The following ACOX2 variants were observed in gnomAD, a reference collection of about 807,000 sequenced individuals.
The protein encoded by ACOX2 is peroxisomal acyl-coenzyme A oxidase 2.
Under a neutral mutation model 77.5 loss-of-function variants are expected in ACOX2, and 59 were observed. The observed-to-expected ratio is 0.76, with a 90% confidence interval of 0.62 to 0.95. The LOEUF is 0.95. ACOX2 is among the 40% of genes least tolerant of loss of function. The probability of loss-of-function intolerance (pLI) is 0.00; values close to 1 mark genes in which losing one functional copy is unlikely to be tolerated. For missense variants in ACOX2, 837 were observed against 880.4 expected (o/e 0.95, Z 0.62); for synonymous variants, 317 against 340.1 (o/e 0.93, Z 0.75).
Position 58,505,421 on chromosome 3 carries a change from A to C in ACOX2, c.1984-135T>G. 1 of 707,544 alleles carries C rather than the reference A, an allele frequency of 1.4e-6. No individual in the cohort carries two copies. The highest frequency in any genetic ancestry group is 3.0e-5 in the South Asian group (1 of 33,860). 43.8% of individuals were successfully genotyped at this position (707,544 alleles called of 1,614,324 possible). On this transcript the variant is annotated intron_variant, in intron 14 of 14. Transcript: ENST00000302819. The surrounding 1 kb of genome is among the most constrained non-coding windows in gnomAD (Gnocchi z 4.4). Reference sequence around the variant, plus strand: ...CTTAATTTTAAAAATTATTTCTAAGACTCATTTTGTGTGAACATATGGAGA... The same window carrying C: ...CTTAATTTTAAAAATTATTTCTAAGCCTCATTTTGTGTGAACATATGGAGA...
chr3:58,517,235 T>C lies in ACOX2; in HGVS notation c.1821A>G (p.Thr607=), dbSNP rs776395124. 5.0e-6 allele frequency: 8 copies of C among 1,614,118 alleles called. No homozygotes were observed. The Admixed American group carries it at 1.3e-4, about 27-fold the overall frequency. ...LSGAQVDMAR[T]AYLDLLRLIR... ...TCAGGCGGAGCAGGTCCAGGTAGGCTGTTCTTGCCATGTCCACTTGGGCAC... is the reference window on the plus strand; with the variant it reads ...TCAGGCGGAGCAGGTCCAGGTAGGCCGTTCTTGCCATGTCCACTTGGGCAC... Residue 607 remains threonine, a synonymous_variant, in exon 13 of 15, where the codon ACA becomes ACG. Coordinates refer to ENST00000302819, the MANE Select transcript of ACOX2 (RefSeq NM_003500.4).
In ACOX2 at chr3:58,534,916, A is replaced by G; in HGVS notation, c.160+31T>C. On this transcript the variant is annotated intron_variant, in intron 2 of 14. Coordinates refer to ENST00000302819, the MANE Select transcript of ACOX2 (RefSeq NM_003500.4). The surrounding 1 kb of genome is among the most constrained non-coding windows in gnomAD (Gnocchi z 4.8). ...TTACAAGAGAAGCATGGGGCATAAA[A>G]CAGATGTCCCATTCCCCAGCTTCCC... 6.2e-7 allele frequency: 1 copy of G among 1,613,612 alleles called. No individual in the cohort carries two copies. Among genetic ancestry groups the G allele is most frequent in the Non-Finnish European group, 8.5e-7 (1 of 1,179,550 alleles).
rs2108001826 is a variant in ACOX2 at position 58,524,651 on chromosome 3, A to G, written c.1347-46T>C. ...CAGGTGAGAGGGCAGAGACTCTGTG[A>G]GACAGCCCAGCACCCCTCACTCCCA... On this transcript the variant is annotated intron_variant, in intron 10 of 14. Coordinates refer to ENST00000302819, the MANE Select transcript of ACOX2 (RefSeq NM_003500.4). This position sits in a 1 kb window ranked among gnomAD's most constrained non-coding sequence, Gnocchi z 5.5. 6.3e-7 allele frequency: 1 copy of G among 1,582,314 alleles called. No individual in the cohort carries two copies. Among genetic ancestry groups the G allele is most frequent in the Admixed American group, 1.7e-5 (1 of 59,310 alleles).
Position 58,533,049 on chromosome 3 carries a change from T to C in ACOX2, c.583+396A>G, listed in dbSNP as rs2063452719. On this transcript the variant is annotated intron_variant, in intron 5 of 14. Transcript: ENST00000302819. The surrounding 1 kb of genome is among the most constrained non-coding windows in gnomAD (Gnocchi z 5.6). ...CAGGCGTATTCTTTCCACTGTGTCA[T>C]CACAGGGCCTGTGCTCTGGCTGGTG... Among the ~76,000 whole-genome samples, 1 of 152,136 alleles carries C rather than the reference T, an allele frequency of 6.6e-6. No individual in the cohort carries two copies. The highest frequency in any genetic ancestry group is 2.1e-4 in the South Asian group (1 of 4,826).
Position 58,517,343 on chromosome 3 carries a change from CA to C in ACOX2, c.1712del (p.Val571GlyfsTer15). Reference protein sequence around the residue: ...KLENEPAIQQVLKRLCDLHAI... With the variant: ...KLENEPAIQQXLKRLCDLHAI... ...CATGGAGGTCACAGAGGCGCTTGAG[CA>C]CCTGCTGAATCGCTGGTTCATTTTC... On this transcript the variant is annotated frameshift_variant, in exon 13 of 15. Transcript: ENST00000302819. LOFTEE classifies it high-confidence loss of function. The C allele has an allele frequency of 6.2e-7, 1 of 1,614,196 alleles. No individual in the cohort carries two copies. The highest frequency in any genetic ancestry group is 8.5e-7 in the Non-Finnish European group (1 of 1,180,042).
At position 58,519,346 on chromosome 3, in the gene ACOX2, T is replaced by G. The variant is rs955243871; in HGVS notation, c.1633-1923A>C. On this transcript the variant is annotated intron_variant, in intron 12 of 14. Transcript: ENST00000302819. This position sits in a 1 kb window ranked among gnomAD's most constrained non-coding sequence, Gnocchi z 5.0. The stretch of plus-strand genomic sequence containing the variant: ...TTGCAGTGAGCTGAGACCGTGCCAC[T>G]GCACTCCAGCCTGGGTGGTGGAGTG... Among the ~76,000 whole-genome samples, 4 of 151,952 alleles carry G rather than the reference T, an allele frequency of 2.6e-5. No homozygotes were observed. Among genetic ancestry groups the G allele is most frequent in the African/African-American group, 9.7e-5 (4 of 41,426 alleles).
intron 9 of ACOX2, among the ~76,000 whole-genome samples, chr3:58,527,644 A>G (rs1576997687): frequency 6.6e-6 from 1 of 152,028 alleles, no homozygotes; most frequent in Non-Finnish European, 1.5e-5. Context: ...TAGTGCCTTG[A>G]CCTTGGACTT....
intron 5 of ACOX2, among the ~76,000 whole-genome samples, chr3:58,532,108 C>T (rs558203562): frequency 2.6e-5 from 4 of 152,148 alleles, no homozygotes; most frequent in East Asian, 1.9e-4. Flanking sequence ...ATCTAGGTGG[C>T]GCTAGACCCT....
chr3:58,530,584 G>A lies in ACOX2; in HGVS notation c.874C>T (p.Pro292Ser), dbSNP rs767555165. 1 of 1,614,246 alleles carries A rather than the reference G, an allele frequency of 6.2e-7. No individual in the cohort carries two copies. ...AGCTCCACCCGCACCACCACCATGG[G>A]AAGGTAGTTGCTCTGTGCTGTACCG... ...KLGTAQSNYL[P>S]MVVVRVELLS... is the part of the protein sequence containing the mutation. The change falls in exon 8 of 15, where the codon CCC (proline) becomes TCC (serine). Residue 292 changes from proline to serine, a missense_variant. Pro to Ser is a moderately conservative substitution (Grantham distance 74, BLOSUM62 -1). Coordinates refer to ENST00000302819, the MANE Select transcript of ACOX2 (RefSeq NM_003500.4).
At position 58,512,005 on chromosome 3, in the gene ACOX2, C is replaced by T. The variant is rs1048824393; in HGVS notation, c.1851-2980G>A. ...CATGCACTCCTTGTGATGTTCTTCT[C>T]AAGGCTTTAAATATCAACCATACGC... On this transcript the variant is annotated intron_variant, in intron 13 of 14. Coordinates refer to ENST00000302819, the MANE Select transcript of ACOX2 (RefSeq NM_003500.4). This position sits in a 1 kb window ranked among gnomAD's most constrained non-coding sequence, Gnocchi z 4.8. Among the ~76,000 whole-genome samples, 2 of 152,210 alleles carry T rather than the reference C, an allele frequency of 1.3e-5. No individual in the cohort carries two copies. Among genetic ancestry groups the T allele is most frequent in the African/African-American group, 4.8e-5 (2 of 41,448 alleles).
Position 58,512,448 on chromosome 3 carries a change from C to T in ACOX2, c.1851-3423G>A, listed in dbSNP as rs969663287. Reference sequence around the variant, plus strand: ...GGAGCAAGCCTTTAAAAATACACATCAGATTCTTTTAGGTTGTGTCTATCC... The same window carrying T: ...GGAGCAAGCCTTTAAAAATACACATTAGATTCTTTTAGGTTGTGTCTATCC... On this transcript the variant is annotated intron_variant, in intron 13 of 14. Coordinates refer to ENST00000302819, the MANE Select transcript of ACOX2 (RefSeq NM_003500.4). The surrounding 1 kb of genome is among the most constrained non-coding windows in gnomAD (Gnocchi z 4.8). Among the ~76,000 whole-genome samples the T allele has an allele frequency of 1.3e-5, 2 of 152,192 alleles. No individual in the cohort carries two copies. The highest frequency in any genetic ancestry group is 3.8e-4 in the East Asian group (2 of 5,198).
Position 58,531,168 on chromosome 3 carries a change from A to G in ACOX2, c.819+83T>C. ...GGTTATGTGGCCCAAACTAAGCTCT[A>G]TGGAGGACCCAGGCCCAGCCTGCAC... On this transcript the variant is annotated intron_variant, in intron 7 of 14. Coordinates refer to ENST00000302819, the MANE Select transcript of ACOX2 (RefSeq NM_003500.4). The surrounding 1 kb of genome is among the most constrained non-coding windows in gnomAD (Gnocchi z 5.8). 1 of 1,282,344 alleles carries G rather than the reference A, an allele frequency of 7.8e-7. No homozygotes were observed. Among genetic ancestry groups the G allele is most frequent in the African/African-American group, 1.5e-5 (1 of 67,594 alleles). 79.4% of individuals were successfully genotyped at this position (1,282,344 alleles called of 1,614,324 possible). A position where few individuals can be genotyped will look rare whatever the true frequency, so the allele number is the denominator to read the frequency against.
rs377574777 is a variant in ACOX2 at position 58,524,760 on chromosome 3, G to A, written c.1347-155C>T. 9.8e-5 allele frequency among the ~76,000 whole-genome samples: 15 copies of A among 152,342 alleles called. No homozygotes were observed. In the East Asian group the frequency reaches 2.7e-3, roughly 27 times the overall value. On this transcript the variant is annotated intron_variant, in intron 10 of 14. Coordinates refer to ENST00000302819, the MANE Select transcript of ACOX2 (RefSeq NM_003500.4). The surrounding 1 kb of genome is among the most constrained non-coding windows in gnomAD (Gnocchi z 5.5). ...CCTCTGCCTGGCCTCCCTCCTGAGG[G>A]TTCCCCCTCGGGCCGTCCTGCCTCG...
chr3:58,534,939 C>T lies in ACOX2; in HGVS notation c.160+8G>A, dbSNP rs759050106. On this transcript the variant is annotated splice_region_variant and intron_variant, in intron 2 of 14. Transcript: ENST00000302819. The surrounding 1 kb of genome is among the most constrained non-coding windows in gnomAD (Gnocchi z 4.8). ...AAACAGATGTCCCATTCCCCAGCTT[C>T]CCCTTACCAACTTTCCTGCGGAGTG... The T allele has an allele frequency of 1.9e-6, 3 of 1,614,132 alleles. No homozygotes were observed. The highest frequency in any genetic ancestry group is 2.5e-6 in the Non-Finnish European group (3 of 1,179,938).
chr3:58,534,274 TG>T lies in ACOX2; in HGVS notation c.323+85del. On this transcript the variant is annotated intron_variant, in intron 3 of 14. Transcript: ENST00000302819. The surrounding 1 kb of genome is among the most constrained non-coding windows in gnomAD (Gnocchi z 4.8). ...GTTTCCCAACAAGTCTTCCCTTTGT[TG>T]GGGGAAATGGCTCATGGGGCTAGGG... 1.3e-6 allele frequency: 2 copies of T among 1,581,076 alleles called. No homozygotes were observed. Among genetic ancestry groups the T allele is most frequent in the Non-Finnish European group, 1.7e-6 (2 of 1,165,144 alleles).
rs1262374606 is a variant in ACOX2, at chr3:58,505,289, G to A, written c.1984-3C>T. The A allele has an allele frequency of 6.2e-7, 1 of 1,611,256 alleles. No individual in the cohort carries two copies. The highest frequency in any genetic ancestry group is 1.7e-5 in the Admixed American group (1 of 59,656). On this transcript the variant is annotated splice_polypyrimidine_tract_variant and splice_region_variant and intron_variant, in intron 14 of 14. Transcript: ENST00000302819. The surrounding 1 kb of genome is among the most constrained non-coding windows in gnomAD (Gnocchi z 4.4). ...TATTCCTCATAGGCAGGGTTCTCCT[G>A]TTTGTAGAAAGAAACGCATTATTAA...
At chr3:58,507,441 A>C (rs1309448729) in intron 14 of ACOX2, among the ~76,000 whole-genome samples, 1 of 152,234 alleles carries the variant, frequency 6.6e-6, no homozygotes, top group Non-Finnish European at 1.5e-5. Flanking sequence ...TTTTAAAATA[A>C]ATATTAAAAC....
Position 58,533,891 on chromosome 3 carries a change from T to C in ACOX2, c.475+103A>G, listed in dbSNP as rs1577002414. On this transcript the variant is annotated intron_variant, in intron 4 of 14. Transcript: ENST00000302819. The surrounding 1 kb of genome is among the most constrained non-coding windows in gnomAD (Gnocchi z 5.6). Reference sequence around the variant, plus strand: ...CTGGAATGTTTTCTTATTAAACATATGTCCCTCGGAGCATATGAACCTATG... The same window carrying C: ...CTGGAATGTTTTCTTATTAAACATACGTCCCTCGGAGCATATGAACCTATG... 3 of 1,414,112 alleles carry C rather than the reference T, an allele frequency of 2.1e-6. No individual in the cohort carries two copies. Among genetic ancestry groups the C allele is most frequent in the East Asian group, 4.6e-5 (2 of 43,470 alleles). The allele number at this position is 1,414,112 out of a possible 1,614,324, so 87.6% of individuals were successfully genotyped here.
Position 58,522,436 on chromosome 3 carries a change from A to G in ACOX2, c.1632+60T>C. On this transcript the variant is annotated intron_variant, in intron 12 of 14. Coordinates refer to ENST00000302819, the MANE Select transcript of ACOX2 (RefSeq NM_003500.4). The surrounding 1 kb of genome is among the most constrained non-coding windows in gnomAD (Gnocchi z 4.3). ...ATGGCAGAGCCCGGATTTTCCCAGC[A>G]GGGTAGCCTGCCTGGGAAGCAAAAT... is the stretch of plus-strand genomic sequence containing the variant. 2.0e-6 allele frequency: 3 copies of G among 1,527,492 alleles called. No individual in the cohort carries two copies. The highest frequency in any genetic ancestry group is 1.8e-6 in the Non-Finnish European group (2 of 1,104,372). The allele number at this position is 1,527,492 out of a possible 1,614,324, so 94.6% of individuals were successfully genotyped here. A position where few individuals can be genotyped will look rare whatever the true frequency, so the allele number is the denominator to read the frequency against.
Sources: allele counts gnomAD v4.1 joint callset (sites outside exome capture counted in the v4.1 genomes callset), GRCh38; gene constraint gnomAD v4.1.1; non-coding constraint Gnocchi (gnomAD v3.1); transcripts MANE v1.5; gene names NCBI Gene and HGNC (gene_info 2026-07-23, HGNC 2026-07-21).